NRG3: variants seen among roughly 807,000 people sequenced by gnomAD.
NRG3 encodes the protein pro-neuregulin-3, membrane-bound isoform.
Under a neutral mutation model 66.9 loss-of-function variants are expected in NRG3, and 31 were observed. The observed-to-expected ratio is 0.46, with a 90% CI of 0.35 to 0.63. The LOEUF (loss-of-function observed/expected upper bound fraction) is 0.63, where lower values mean the gene tolerates loss of function less well. Ranked by LOEUF, NRG3 falls within the 20% of genes least tolerant of loss-of-function variation. The pLI is 0.00. For synonymous variants in NRG3, 393 were observed against 359.4 expected (o/e 1.09, Z -1.06); for missense variants, 910 against 878.9 (o/e 1.04, Z -0.45).
chr10:82,483,759 C>T (rs1264158160), intron 2 of NRG3, among the ~76,000 whole-genome samples: 1 of 152,174 alleles, frequency 6.6e-6, no homozygotes, highest in African/African-American at 2.4e-5. Flanking sequence ...GAAATAATCT[C>T]TGGCTACCCC....
At chr10:82,473,718 A>G (rs1403633245) in intron 2 of NRG3, among the ~76,000 whole-genome samples, 2 of 152,150 alleles carry the variant, frequency 1.3e-5, no homozygotes, top group African/African-American at 2.4e-5. Context: ...TGAAGATTGC[A>G]GAGAACTGAG....
chr10:81,980,869 G>A (rs915309100), intron 1 of NRG3, among the ~76,000 whole-genome samples: 3 of 152,068 alleles, frequency 2.0e-5, no homozygotes, highest in Non-Finnish European at 4.4e-5. Context: ...ACACATCTCT[G>A]GCATGTTTTT....
intron 2 of NRG3, among the ~76,000 whole-genome samples, chr10:82,641,285 T>C (rs1339794): frequency 0.87 from 132,471 of 152,100 alleles, 57,789 homozygotes; most frequent in Middle Eastern, 0.92. Flanking sequence ...TTTTGTCAGT[T>C]TTCTAAGCTT....
At chr10:82,328,289 G>A (rs1238069471) in intron 1 of NRG3, among the ~76,000 whole-genome samples, 4 of 152,212 alleles carry the variant, frequency 2.6e-5, no homozygotes, top group Admixed American at 1.3e-4. Flanking sequence ...TTATGTGTGT[G>A]TCTTCAAAGT....
Position 82,130,219 on chromosome 10 carries a change from T to TTA in NRG3, c.824-228508_824-228507dup, listed in dbSNP as rs751173070. On this transcript the variant is annotated intron_variant, in intron 1 of 8. Coordinates refer to ENST00000372141, the MANE Select transcript of NRG3 (RefSeq NM_001010848.4). ...ACTATATGTATGTATCACTTTTTCTTTATATATATATATTTTTATTATACT... is the reference window on the plus strand; with the variant it reads ...ACTATATGTATGTATCACTTTTTCTTTATATATATATATATTTTTATTATACT... 9.8e-4 allele frequency among the ~76,000 whole-genome samples: 148 copies of TTA among 151,680 alleles called. 1 individual carries two copies. The highest frequency in any genetic ancestry group is 1.5e-3 in the Non-Finnish European group (100 of 67,890).
chr10:82,397,389 A>G (rs2086782694), intron 2 of NRG3, among the ~76,000 whole-genome samples: 1 of 152,234 alleles, frequency 6.6e-6, no homozygotes, highest in African/African-American at 2.4e-5. Context: ...TACATTGAAA[A>G]GCAAACTCAT....
chr10:82,757,277 T>G (rs2059118590), intron 3 of NRG3, among the ~76,000 whole-genome samples: 1 of 152,080 alleles, frequency 6.6e-6, no homozygotes, highest in Non-Finnish European at 1.5e-5. Context: ...CCAACCACTG[T>G]TCTAAGTAGT....
intron 4 of NRG3, among the ~76,000 whole-genome samples, chr10:82,900,080 A>G (rs1844061090): frequency 6.6e-6 from 1 of 152,166 alleles, no homozygotes; most frequent in African/African-American, 2.4e-5. Context: ...GGCAGCAGGC[A>G]TCTCATATGA....
intron 2 of NRG3, among the ~76,000 whole-genome samples, chr10:82,512,850 C>A (rs1171527192): frequency 1.3e-5 from 2 of 152,004 alleles, no homozygotes; most frequent in East Asian, 3.8e-4. Flanking sequence ...CCTTTTAGTT[C>A]AATATCATTT....
At chr10:82,335,387 A>G (rs554317101) in intron 1 of NRG3, among the ~76,000 whole-genome samples, 2 of 152,108 alleles carry the variant, frequency 1.3e-5, no homozygotes, top group South Asian at 4.1e-4. Flanking sequence ...CTACTAAACG[A>G]GGTAATGTTA....
At chr10:82,139,750 G>A (rs942923408) in intron 1 of NRG3, among the ~76,000 whole-genome samples, 1 of 152,088 alleles carries the variant, frequency 6.6e-6, no homozygotes, top group African/African-American at 2.4e-5. Context: ...TCTCCATCAG[G>A]TAATGGGAAA....
chr10:82,526,440 A>G lies in NRG3; in HGVS notation c.953+167572A>G, dbSNP rs574525299. Reference sequence around the variant, plus strand: ...GCAAATTGATTAAATGCTCTAGTTAAAAACAGATTATCAGATTGAACATGT... The same window carrying G: ...GCAAATTGATTAAATGCTCTAGTTAGAAACAGATTATCAGATTGAACATGT... On this transcript the variant is annotated intron_variant, in intron 2 of 8. Coordinates refer to ENST00000372141, the MANE Select transcript of NRG3 (RefSeq NM_001010848.4). 5.9e-5 allele frequency among the ~76,000 whole-genome samples: 9 copies of G among 152,000 alleles called. No homozygotes were observed. In the East Asian group the frequency reaches 1.5e-3, roughly 26 times the overall value.
At chr10:82,416,861 A>G (rs1237107938) in intron 2 of NRG3, among the ~76,000 whole-genome samples, 1 of 152,102 alleles carries the variant, frequency 6.6e-6, no homozygotes, top group Non-Finnish European at 1.5e-5. Flanking sequence ...TATGCACATC[A>G]CTTCAATCCT....
intron 3 of NRG3, among the ~76,000 whole-genome samples, chr10:82,776,096 A>G (rs1267933414): frequency 3.9e-5 from 6 of 152,148 alleles, no homozygotes; most frequent in African/African-American, 1.4e-4. Flanking sequence ...AAAGCTAAAC[A>G]TTTTTTGTAA....
intron 1 of NRG3, among the ~76,000 whole-genome samples, chr10:81,916,788 TG>T (rs1270279467): frequency 6.6e-6 from 1 of 152,178 alleles, no homozygotes; most frequent in Non-Finnish European, 1.5e-5. Flanking sequence ...GGACAGCCAA[TG>T]AGTAGTGCCT....
chr10:82,047,701 A>C (rs557883534), intron 1 of NRG3, among the ~76,000 whole-genome samples: 4 of 151,738 alleles, frequency 2.6e-5, no homozygotes, highest in Non-Finnish European at 5.9e-5. Flanking sequence ...ACTAATGAGC[A>C]AAACAACCAG....
intron 1 of NRG3, among the ~76,000 whole-genome samples, chr10:81,917,650 T>C (rs1845830754): frequency 6.6e-6 from 1 of 152,226 alleles, no homozygotes; most frequent in South Asian, 2.1e-4. Flanking sequence ...AAAATTCAAA[T>C]AGTCATGTAC....
chr10:82,000,375 C>G (rs1445209265), intron 1 of NRG3, among the ~76,000 whole-genome samples: 1 of 150,350 alleles, frequency 6.7e-6, no homozygotes, highest in Non-Finnish European at 1.5e-5. Flanking sequence ...TTTTTTCCTT[C>G]TTGGCCACAT....
chr10:82,761,075 C>A (rs1298551705), intron 3 of NRG3, among the ~76,000 whole-genome samples: 1 of 151,652 alleles, frequency 6.6e-6, no homozygotes, highest in Non-Finnish European at 1.5e-5. Flanking sequence ...TAAAAATCTA[C>A]AGATGACTTG....
Sources: gnomAD v4.1 joint callset for allele counts (sites outside exome capture counted in the v4.1 genomes callset) on GRCh38, gnomAD v4.1.1 for gene constraint, MANE v1.5 for transcripts, NCBI Gene and HGNC (gene_info 2026-07-23, HGNC 2026-07-21) for gene names.